ME1: variants seen among roughly 807,000 people sequenced by gnomAD.
ME1 encodes NADP-dependent malic enzyme.
Under a neutral mutation model 66.4 loss-of-function variants are expected in ME1, and 74 were observed. The ratio of observed to expected loss-of-function variants is 1.11; its 90% CI spans 0.92 to 1.35. The LOEUF (loss-of-function observed/expected upper bound fraction) is 1.35, where lower values mean the gene tolerates loss of function less well. ME1 is among the 40% of genes most tolerant of loss of function. ME1 has a pLI of 0.00. For synonymous variants in ME1, 251 were observed against 235.6 expected (o/e 1.07, Z -0.60); for missense variants, 750 against 694.1 (o/e 1.08, Z -0.90).
At chr6:83,371,690 C>T (rs1182912414) in intron 3 of ME1, among the ~76,000 whole-genome samples, 3 of 152,144 alleles carry the variant, frequency 2.0e-5, no homozygotes, top group African/African-American at 7.2e-5. Context: ...AGAAAACGAT[C>T]CCTTCAATTC....
chr6:83,299,641 A>G (rs1399217788), intron 6 of ME1, among the ~76,000 whole-genome samples: 1 of 152,122 alleles, frequency 6.6e-6, no homozygotes, highest in Non-Finnish European at 1.5e-5. Flanking sequence ...TACTAAGTTG[A>G]ATAAGAGTGG....
intron 4 of ME1, among the ~76,000 whole-genome samples, chr6:83,350,966 G>T (rs1245746704): frequency 2.7e-5 from 1 of 36,538 alleles, no homozygotes. Context: ...CTTAGGTGGA[G>T]AAAGCAAAAA....
intron 5 of ME1, among the ~76,000 whole-genome samples, chr6:83,333,463 G>C (rs1768455627): frequency 6.6e-6 from 1 of 152,092 alleles, no homozygotes; most frequent in Non-Finnish European, 1.5e-5. Flanking sequence ...AATACAAAAT[G>C]TCAGAATGAA....
chr6:83,244,524 G>A (rs558461085), intron 7 of ME1, among the ~76,000 whole-genome samples: 39 of 152,138 alleles, frequency 2.6e-4, no homozygotes, highest in Middle Eastern at 6.8e-3. Flanking sequence ...GGTGTTTAAA[G>A]ATTTTAAATT....
intron 6 of ME1, among the ~76,000 whole-genome samples, chr6:83,260,116 A>T (rs569032850): frequency 6.6e-6 from 1 of 152,000 alleles, no homozygotes; most frequent in East Asian, 1.9e-4. Context: ...TTTATTTAGT[A>T]TTTATTTCTC....
intron 6 of ME1, among the ~76,000 whole-genome samples, chr6:83,312,825 G>T (rs569536764): frequency 8.7e-4 from 133 of 152,120 alleles, no homozygotes; most frequent in African/African-American, 3.1e-3. Context: ...TGTGATCTTG[G>T]CTAACTGCAA....
rs1470502115 is a variant in ME1 at position 83,346,530 on chromosome 6, G to A, written c.439-196C>T. 2.0e-5 allele frequency among the ~76,000 whole-genome samples: 3 copies of A among 152,160 alleles called. No homozygotes were observed. In the East Asian group the frequency reaches 5.8e-4, roughly 29 times the overall value. ...AGAAATGAACTTGATTTATAAATAT[G>A]CTTAATTAGGTTATTTTAAAAAGAA... On this transcript the variant is annotated intron_variant, in intron 4 of 13. Transcript: ENST00000369705.
intron 1 of ME1, among the ~76,000 whole-genome samples, chr6:83,417,742 C>A (rs1770189482): frequency 6.6e-6 from 1 of 152,176 alleles, no homozygotes; most frequent in Non-Finnish European, 1.5e-5. Context: ...TGATATTGAT[C>A]TCTTTAAAAA....
rs117520925 is a variant in ME1, at chr6:83,403,244, T to C, written c.212+4524A>G. Among the ~76,000 whole-genome samples the C allele has an allele frequency of 4.5e-3, 690 of 152,268 alleles. 5 individuals are homozygous for C. Among genetic ancestry groups the C allele is most frequent in the Non-Finnish European group, 7.3e-3 (494 of 68,024 alleles). On this transcript the variant is annotated intron_variant, in intron 2 of 13. Coordinates refer to ENST00000369705, the MANE Select transcript of ME1 (RefSeq NM_002395.6). ...GCCTTTATTCAAAGATTAAGTATGA[T>C]TTGAGGAGATTCATATGGGTGGTGT...
chr6:83,305,244 G>GA (rs1243189015), intron 6 of ME1, among the ~76,000 whole-genome samples: 1 of 152,158 alleles, frequency 6.6e-6, no homozygotes, highest in Middle Eastern at 3.4e-3. Flanking sequence ...TTCATAAAAT[G>GA]AACAAAGTAG....
At position 83,339,970 on chromosome 6, in the gene ME1, T is replaced by TA. The variant is rs1385971439; in HGVS notation, c.600+6202dup. On this transcript the variant is annotated intron_variant, in intron 5 of 13. Coordinates refer to ENST00000369705, the MANE Select transcript of ME1 (RefSeq NM_002395.6). ...ATGTACCCTAAAACTTAGAGTATAA[T>TA]AAAAAAAAAAAGAAAAGAAAAGAAA... Among the ~76,000 whole-genome samples, 69 of 86,716 alleles carry TA rather than the reference T, an allele frequency of 8.0e-4. 1 individual carries two copies. Among genetic ancestry groups the TA allele is most frequent in the East Asian group, 2.0e-3 (7 of 3,446 alleles). The allele number at this position is 86,716 out of a possible 152,430, so 56.9% of individuals were successfully genotyped here.
chr6:83,430,750 G>A (rs761921382), intron 1 of ME1, 127 bp downstream of exon 1: 54 of 759,580 alleles, frequency 7.1e-5, no homozygotes, highest in Non-Finnish European at 9.5e-5. Flanking sequence ...CCCAGGCCGC[G>A]GCCGCTCACC....
At chr6:83,401,971 T>G (rs1769848901) in intron 2 of ME1, among the ~76,000 whole-genome samples, 1 of 152,232 alleles carries the variant, frequency 6.6e-6, no homozygotes, top group Non-Finnish European at 1.5e-5. Flanking sequence ...GCAATGCTCC[T>G]GCCAAAGCTA....
intron 11 of ME1, among the ~76,000 whole-genome samples, chr6:83,225,625 T>G (rs935958897): frequency 3.3e-5 from 5 of 152,150 alleles, no homozygotes; most frequent in African/African-American, 1.2e-4. Flanking sequence ...AATTCTCATC[T>G]AGCTGTTTAT....
At chr6:83,365,457 A>G (rs1769086023) in intron 3 of ME1, among the ~76,000 whole-genome samples, 1 of 152,150 alleles carries the variant, frequency 6.6e-6, no homozygotes, top group South Asian at 2.1e-4. Flanking sequence ...CAGCCCTTTC[A>G]ATGAGAAAAT....
chr6:83,346,140 T>C, intron 5 of ME1, 33 bp downstream of exon 5: 1 of 1,530,782 alleles, frequency 6.5e-7, no homozygotes. Context: ...TTTTTAAAGG[T>C]ACATAGCTGC....
chr6:83,302,040 T>C (rs956427042), intron 6 of ME1, among the ~76,000 whole-genome samples: 2 of 152,096 alleles, frequency 1.3e-5, no homozygotes, highest in Admixed American at 6.6e-5. Flanking sequence ...AGCAAAGATA[T>C]GGAATCAACC....
chr6:83,256,882 T>C (rs575688447), intron 6 of ME1, among the ~76,000 whole-genome samples: 26 of 152,130 alleles, frequency 1.7e-4, no homozygotes, highest in Non-Finnish European at 3.4e-4. Context: ...TGAGTTCATG[T>C]CCTTTGCAAG....
At chr6:83,280,052 A>G (rs1145915) in intron 6 of ME1, among the ~76,000 whole-genome samples, 33,912 of 152,086 alleles carry the variant, frequency 0.22, 4,165 homozygotes, top group Middle Eastern at 0.39. Context: ...AGAAATAAAG[A>G]CTTTCTCAGA....
Sources: gnomAD v4.1 joint callset for allele counts (sites outside exome capture counted in the v4.1 genomes callset) on GRCh38, gnomAD v4.1.1 for gene constraint, MANE v1.5 for transcripts, NCBI Gene and HGNC (gene_info 2026-07-23, HGNC 2026-07-21) for gene names.